CCZ1: variants seen among roughly 807,000 people sequenced by gnomAD.
CCZ1 encodes CCZ1 vacuolar protein trafficking and biogenesis associated, also known as vacuolar fusion protein CCZ1 homolog.
In CCZ1, 19 loss-of-function variants were observed where a neutral mutation model predicts 57.8. The observed-to-expected ratio is 0.33, with a 90% CI of 0.23 to 0.48. The LOEUF is 0.48. Among genes scored for constraint, CCZ1 ranks in the 20% least tolerant of loss-of-function variants. The pLI, the probability that CCZ1 is intolerant of heterozygous loss-of-function variation, is 0.99. For synonymous variants in CCZ1, 81 were observed against 167.0 expected (o/e 0.49, Z 3.97); for missense variants, 200 against 492.0 (o/e 0.41, Z 5.61).
chr7:5,914,775 C>T (rs1779116682), intron 10 of CCZ1, among the ~76,000 whole-genome samples: 1 of 147,366 alleles, frequency 6.8e-6, no homozygotes, highest in Non-Finnish European at 1.5e-5. Context: ...ACTCCGGAGG[C>T]TGAGGCAGGA....
Position 5,911,405 on chromosome 7 carries a change from C to T in CCZ1, c.781-456C>T, listed in dbSNP as rs570239204. Among the ~76,000 whole-genome samples the T allele has an allele frequency of 6.7e-5, 10 of 148,558 alleles. 1 individual carries two copies. The South Asian group carries it at 1.1e-3, about 17-fold the overall frequency. ...ATGGTCTCAAACTCCTGGGCTCAAGCGGTCGTGTCACCTCAGCCTCCCAAG... is the reference window on the plus strand; with the variant it reads ...ATGGTCTCAAACTCCTGGGCTCAAGTGGTCGTGTCACCTCAGCCTCCCAAG... On this transcript the variant is annotated intron_variant, in intron 8 of 14. Coordinates refer to ENST00000325974, the MANE Select transcript of CCZ1 (RefSeq NM_015622.6).
rs866266167 is a variant in CCZ1, at chr7:5,924,209, T to C, written c.1393+247T>C. On this transcript the variant is annotated intron_variant, in intron 14 of 14. Coordinates refer to ENST00000325974, the MANE Select transcript of CCZ1 (RefSeq NM_015622.6). ...TACAATTCTAAAAAAAAAAAAAAAATGACTTTATATTAAGAAATGTCCCCC... is the reference window on the plus strand; with the variant it reads ...TACAATTCTAAAAAAAAAAAAAAAACGACTTTATATTAAGAAATGTCCCCC... Among the ~76,000 whole-genome samples the C allele has an allele frequency of 4.6e-5, 2 of 43,794 alleles. 1 individual carries two copies. Among genetic ancestry groups the C allele is most frequent in the African/African-American group, 1.8e-4 (2 of 10,872 alleles). The allele number at this position is 43,794 out of a possible 152,430, so 28.7% of individuals were successfully genotyped here. A position where few individuals can be genotyped will look rare whatever the true frequency, so the allele number is the denominator to read the frequency against.
chr7:5,909,275 C>G (rs1781910847), intron 7 of CCZ1, among the ~76,000 whole-genome samples: 1 of 149,778 alleles, frequency 6.7e-6, no homozygotes, highest in African/African-American at 2.5e-5. Flanking sequence ...GAGAAAAGCA[C>G]CAGTAGTCCC....
At chr7:5,910,623 G>T (rs1187458689) in intron 8 of CCZ1, among the ~76,000 whole-genome samples, 1 of 144,670 alleles carries the variant, frequency 6.9e-6, no homozygotes, top group Non-Finnish European at 1.5e-5. Context: ...ACCGCCCCCA[G>T]TCCACAAGCA....
chr7:5,902,322 A>G (rs1400289906), intron 5 of CCZ1: 2 of 236,814 alleles, frequency 8.4e-6, no homozygotes, highest in African/African-American at 4.7e-5. Flanking sequence ...AAAGGATAAA[A>G]AGTTTGGTGA....
intron 9 of CCZ1, among the ~76,000 whole-genome samples, chr7:5,912,377 CTTTTTTTTTTTT>C (rs4036238): frequency 3.7e-5 from 2 of 54,702 alleles, no homozygotes; most frequent in Non-Finnish European, 6.4e-5. Flanking sequence ...TCAGCATACC[CTTTTTTTTTTTT>C]TTTTTTTTTT....
rs541234879 is a variant in CCZ1, at chr7:5,912,742, A to G, written c.843-101A>G. On this transcript the variant is annotated intron_variant, in intron 9 of 14. Transcript: ENST00000325974. ...TGTTTGCCAAATAGCACCTGGCATC[A>G]AAAGCAACTGGTGTGTATGAAGTGG... The G allele has an allele frequency of 1.6e-5, 20 of 1,241,196 alleles. No homozygotes were observed. The East Asian group carries it at 4.7e-4, about 29-fold the overall frequency. 76.9% of individuals were successfully genotyped at this position (1,241,196 alleles called of 1,614,324 possible). A position where few individuals can be genotyped will look rare whatever the true frequency, so the allele number is the denominator to read the frequency against.
At position 5,905,331 on chromosome 7, in the gene CCZ1, CT is replaced by C. The variant is rs560846669; in HGVS notation, c.698+63del. On this transcript the variant is annotated intron_variant, in intron 7 of 14. Coordinates refer to ENST00000325974, the MANE Select transcript of CCZ1 (RefSeq NM_015622.6). ...ATTAAGATAATAAAAACAGCAGTGACTGGATTGATGACAGGTTGTCAAACAG... is the reference window on the plus strand; with the variant it reads ...ATTAAGATAATAAAAACAGCAGTGACGGATTGATGACAGGTTGTCAAACAG... 7.1e-3 allele frequency: 6,849 copies of C among 961,030 alleles called. 187 individuals are homozygous for C. Among genetic ancestry groups the C allele is most frequent in the Middle Eastern group, 0.011 (33 of 3,060 alleles). The allele number at this position is 961,030 out of a possible 1,614,324, so 59.5% of individuals were successfully genotyped here.
At chr7:5,911,989 T>G (rs553657639) in intron 9 of CCZ1, 67 bp downstream of exon 9, 2 of 1,557,614 alleles carry the variant, frequency 1.3e-6, no homozygotes, top group South Asian at 2.4e-5. Context: ...AGTCTGGCTC[T>G]GTTACCCAGG....
rs7812209 is a variant in CCZ1, at chr7:5,914,770, G to A, written c.954+1816G>A. ...ACACGCCTCTAATCCCAGCTACTCC[G>A]GAGGCTGAGGCAGGAGAATCACTTG... On this transcript the variant is annotated intron_variant, in intron 10 of 14. Transcript: ENST00000325974. Among the ~76,000 whole-genome samples the A allele has an allele frequency of 1.4e-3, 205 of 147,750 alleles. 8 individuals are homozygous for A. The highest frequency in any genetic ancestry group is 5.1e-3 in the African/African-American group (202 of 39,814).
intron 6 of CCZ1, among the ~76,000 whole-genome samples, chr7:5,904,700 A>G (rs779653653): frequency 3.4e-5 from 5 of 147,082 alleles, no homozygotes; most frequent in Admixed American, 6.7e-5. Flanking sequence ...GCATGGTGGC[A>G]GGCGCCTGTA....
intron 10 of CCZ1, among the ~76,000 whole-genome samples, 158 bp downstream of exon 10, chr7:5,913,112 AAT>A (rs1160680077): frequency 2.7e-5 from 4 of 148,610 alleles, no homozygotes; most frequent in African/African-American, 1.0e-4. Flanking sequence ...CTTCCAGCGT[AAT>A]AAGTTTATTT....
chr7:5,903,331 T>C (rs2952939), intron 6 of CCZ1, among the ~76,000 whole-genome samples: 128,085 of 139,748 alleles, frequency 0.92, 59,320 homozygotes, highest in Middle Eastern at 0.98. Flanking sequence ...CTTGTCTTGG[T>C]TGTTTTGCCC....
At chr7:5,904,518 C>CTT (rs1295987781) in intron 6 of CCZ1, among the ~76,000 whole-genome samples, 1 of 143,740 alleles carries the variant, frequency 7.0e-6, no homozygotes, top group Non-Finnish European at 1.5e-5. Context: ...TAGCAAGACT[C>CTT]TGTCTATACC....
chr7:5,905,065 A>C lies in CCZ1; in HGVS notation c.523-29A>C, dbSNP rs1282750988. On this transcript the variant is annotated intron_variant, in intron 6 of 14. Coordinates refer to ENST00000325974, the MANE Select transcript of CCZ1 (RefSeq NM_015622.6). Reference sequence around the variant, plus strand: ...CATTATATTCAGTGTACTATTAGTAAATTTTATGCCTTATTTTTTTTCCCA... The same window carrying C: ...CATTATATTCAGTGTACTATTAGTACATTTTATGCCTTATTTTTTTTCCCA... The C allele has an allele frequency of 1.3e-5, 21 of 1,596,210 alleles. 1 individual carries two copies. Among genetic ancestry groups the C allele is most frequent in the Non-Finnish European group, 1.8e-5 (21 of 1,176,004 alleles).
intron 5 of CCZ1, chr7:5,902,297 CA>C (rs66782236): frequency 0.34 from 53,225 of 154,558 alleles, 3,762 homozygotes; most frequent in East Asian, 0.56. Context: ...GATTCCATCT[CA>C]AAAAAAAAAA....
In CCZ1 at chr7:5,924,635, CAGA is replaced by C. The variant is rs1300573259; in HGVS notation, c.1393+676_1393+678del. ...TTACAAGTATCCCTCTGTACACAGG[CAGA>C]AGGAGGCAGACATTTTCTCCTGCCT... On this transcript the variant is annotated intron_variant, in intron 14 of 14. Coordinates refer to ENST00000325974, the MANE Select transcript of CCZ1 (RefSeq NM_015622.6). The C allele has an allele frequency of 4.2e-4, 56 of 134,272 alleles. 3 individuals are homozygous for C. The highest frequency in any genetic ancestry group is 1.4e-3 in the African/African-American group (53 of 36,828). 8.3% of individuals were successfully genotyped at this position (134,272 alleles called of 1,614,324 possible).
At chr7:5,914,252 G>C (rs10258609) in intron 10 of CCZ1, among the ~76,000 whole-genome samples, 53,988 of 142,530 alleles carry the variant, frequency 0.38, 9,980 homozygotes, top group African/African-American at 0.45. Context: ...GGGCAACATA[G>C]TAAGACCCTG....
Position 5,910,517 on chromosome 7 carries a change from C to T in CCZ1, c.780+401C>T, listed in dbSNP as rs1045789063. 9.6e-5 allele frequency among the ~76,000 whole-genome samples: 14 copies of T among 146,528 alleles called. 1 individual carries two copies. The highest frequency in any genetic ancestry group is 9.1e-4 in the East Asian group (4 of 4,414). ...AATTTTTTTGTATTTTTAGTAGAGA[C>T]AGGTTTCACTATGTTGGCCAGGCTG... On this transcript the variant is annotated intron_variant, in intron 8 of 14. Coordinates refer to ENST00000325974, the MANE Select transcript of CCZ1 (RefSeq NM_015622.6).
Sources: gnomAD v4.1 joint callset for allele counts (sites outside exome capture counted in the v4.1 genomes callset) on GRCh38, gnomAD v4.1.1 for gene constraint, MANE v1.5 for transcripts, NCBI Gene and HGNC (gene_info 2026-07-23, HGNC 2026-07-21) for gene names.